Variants in SYNE2 observed in about 807,000 individuals in gnomAD.
SYNE2 encodes nesprin-2.
Under a neutral mutation model 856.3 loss-of-function variants are expected in SYNE2, and 431 were observed. The observed-to-expected ratio is 0.50, with a 90% confidence interval of 0.47 to 0.55. The LOEUF (loss-of-function observed/expected upper bound fraction) is 0.55, where lower values mean the gene tolerates loss of function less well. Among genes scored for constraint, SYNE2 ranks in the 20% least tolerant of loss-of-function variants. The probability of loss-of-function intolerance (pLI) is 0.00; values close to 1 mark genes in which losing one functional copy is unlikely to be tolerated. For missense variants in SYNE2, 8,129 were observed against 8,023.2 expected (o/e 1.01, Z -0.50); for synonymous variants, 2,923 against 2,872.3 (o/e 1.02, Z -0.56).
intron 1 of SYNE2, among the ~76,000 whole-genome samples, chr14:63,869,298 C>G (rs1049842655): frequency 6.6e-6 from 1 of 152,126 alleles, no homozygotes; most frequent in African/African-American, 2.4e-5. Flanking sequence ...TTAAATATCA[C>G]GTCTCTTCTG....
chr14:64,148,771 G>T (rs1028440993), intron 84 of SYNE2, among the ~76,000 whole-genome samples: 1 of 152,106 alleles, frequency 6.6e-6, no homozygotes, highest in Non-Finnish European at 1.5e-5. Flanking sequence ...AGCACCCCAT[G>T]TAGCATCATG....
At chr14:64,162,774 CTT>C (rs993118015) in intron 88 of SYNE2, 1 of 249,814 alleles carries the variant, frequency 4.0e-6, no homozygotes, top group African/African-American at 2.2e-5. Context: ...AGTGAATACT[CTT>C]TAGTTCTGAA....
intron 6 of SYNE2, among the ~76,000 whole-genome samples, chr14:63,948,738 A>AT (rs1566883322): frequency 1.2e-4 from 9 of 73,738 alleles, no homozygotes; most frequent in South Asian, 5.3e-4. Flanking sequence ...ATATGTGTAT[A>AT]GATATGTGTG....
rs745330410 is a variant in SYNE2 at position 64,024,389 on chromosome 14, T to G, written c.5770T>G (p.Leu1924Val). The G allele has an allele frequency of 6.2e-7, 1 of 1,614,096 alleles. No individual in the cohort carries two copies. The highest frequency in any genetic ancestry group is 2.2e-5 in the East Asian group (1 of 44,876). ...TTGGCTCGTGGGTCAGGAATTCGAATTAGAAAAAATGGAGTCCATATGCCA... is the reference window on the plus strand; with the variant it reads ...TTGGCTCGTGGGTCAGGAATTCGAAGTAGAAAAAATGGAGTCCATATGCCA... ...ISWLVGQEFE[L>V]EKMESICQAR... Residue 1924 changes from leucine to valine, a missense_variant, in exon 39 of 116, where the codon TTA becomes GTA. Leu to Val is a conservative substitution (Grantham distance 32). Coordinates refer to ENST00000555002, the MANE Select transcript of SYNE2 (RefSeq NM_182914.3).
chr14:63,841,596 A>G (rs1890066546), intron 1 of SYNE2, among the ~76,000 whole-genome samples: 1 of 152,152 alleles, frequency 6.6e-6, no homozygotes, highest in South Asian at 2.1e-4. Flanking sequence ...GAGCTGAACC[A>G]TTTTGCACTC....
chr14:63,796,082 C>G (rs1381141080), intron 1 of SYNE2, among the ~76,000 whole-genome samples: 1 of 152,162 alleles, frequency 6.6e-6, no homozygotes, highest in East Asian at 1.9e-4. Flanking sequence ...GGTTGTGCAG[C>G]TAATAAGTAG....
Position 64,126,680 on chromosome 14 carries a change from G to T in SYNE2, c.13790G>T (p.Gly4597Val). The change falls in exon 73 of 116, where the codon GGC becomes GTC. Residue 4597 changes from glycine to valine, a missense_variant. Gly to Val is a moderately radical substitution (Grantham distance 109). Coordinates refer to ENST00000555002, the MANE Select transcript of SYNE2 (RefSeq NM_182914.3). ...GDLLKAMTWP[G>V]ENTNLLLECF... ...CTTTTGAAAGCCATGACTTGGCCTG[G>T]CGAGAACACCAACTTGCTCCTTGAA... The T allele has an allele frequency of 6.2e-7, 1 of 1,614,192 alleles. No homozygotes were observed. The highest frequency in any genetic ancestry group is 8.5e-7 in the Non-Finnish European group (1 of 1,180,036).
rs760091059 is a variant in SYNE2 at position 63,979,011 on chromosome 14, G to T, written c.1566G>T (p.Trp522Cys). The T allele has an allele frequency of 1.2e-5, 20 of 1,613,400 alleles. No homozygotes were observed. The highest frequency in any genetic ancestry group is 1.4e-5 in the Non-Finnish European group (16 of 1,179,720). Residue 522 changes from tryptophan to cysteine, a missense_variant, in exon 14 of 116, where the codon TGG (tryptophan) becomes TGT (cysteine). Physicochemically the swap from Trp to Cys is radical, Grantham distance 215. Coordinates refer to ENST00000555002, the MANE Select transcript of SYNE2 (RefSeq NM_182914.3). Reference sequence around the variant, plus strand: ...CTGTGGAATTATTGCTGGAAGACTGGCATGTAAGCTTTTCAATTTTGTGTC... The same window carrying T: ...CTGTGGAATTATTGCTGGAAGACTGTCATGTAAGCTTTTCAATTTTGTGTC... ...RESVELLLED[W>C]HKFIEEKEFL...
At position 64,184,023 on chromosome 14, in the gene SYNE2, G is replaced by A. The variant is rs1012375427; in HGVS notation, c.17557-2401G>A. On this transcript the variant is annotated intron_variant, in intron 96 of 115. Coordinates refer to ENST00000555002, the MANE Select transcript of SYNE2 (RefSeq NM_182914.3). ...AGGGAGCAATTTAATTTAAAGACAG[G>A]CATGATTGTTGACATTTTTATACAA... Among the ~76,000 whole-genome samples the A allele has an allele frequency of 3.9e-5, 6 of 151,932 alleles. No homozygotes were observed. In the East Asian group the frequency reaches 1.2e-3, roughly 30 times the overall value.
intron 99 of SYNE2, among the ~76,000 whole-genome samples, chr14:64,191,675 T>A (rs1489337773): frequency 3.3e-5 from 5 of 152,242 alleles, no homozygotes; most frequent in African/African-American, 1.2e-4. Flanking sequence ...CATGCCTGGT[T>A]CCTTAGCAGT....
At chr14:63,924,159 A>G (rs1234293333) in intron 2 of SYNE2, among the ~76,000 whole-genome samples, 2 of 152,130 alleles carry the variant, frequency 1.3e-5, no homozygotes, top group Non-Finnish European at 2.9e-5. Context: ...TCAGAAATCA[A>G]TTGCCCATAA....
intron 1 of SYNE2, among the ~76,000 whole-genome samples, chr14:63,854,966 T>C (rs1273114626): frequency 6.6e-6 from 1 of 152,214 alleles, no homozygotes; most frequent in African/African-American, 2.4e-5. Context: ...ATTACTTATA[T>C]GTTTTAAATA....
chr14:64,118,206 T>G (rs2097866498), intron 66 of SYNE2, among the ~76,000 whole-genome samples: 1 of 152,210 alleles, frequency 6.6e-6, no homozygotes, highest in Non-Finnish European at 1.5e-5. Context: ...ATGATCATGG[T>G]GCTGGAATGT....
chr14:64,020,509 T>C (rs534217882), intron 35 of SYNE2, among the ~76,000 whole-genome samples: 4 of 152,338 alleles, frequency 2.6e-5, no homozygotes, highest in Admixed American at 2.0e-4. Flanking sequence ...GTTGGTATAG[T>C]TAAATATATT....
chr14:64,120,696 G>C (rs1367613072), intron 67 of SYNE2, among the ~76,000 whole-genome samples: 1 of 152,200 alleles, frequency 6.6e-6, no homozygotes, highest in African/African-American at 2.4e-5. Flanking sequence ...CCAAGAGGTG[G>C]AGGTTGCAGT....
At position 63,990,558 on chromosome 14, in the gene SYNE2, G is replaced by C; in HGVS notation, c.2461G>C (p.Glu821Gln). The C allele has an allele frequency of 6.2e-7, 1 of 1,613,914 alleles. No individual in the cohort carries two copies. The highest frequency in any genetic ancestry group is 2.2e-5 in the East Asian group (1 of 44,854). The change falls in exon 20 of 116, where the codon GAG becomes CAG. Residue 821 changes from glutamate to glutamine, a missense_variant. Coordinates refer to ENST00000555002, the MANE Select transcript of SYNE2 (RefSeq NM_182914.3). The stretch of plus-strand genomic sequence containing the variant: ...TCAGGCAAAGATTCAAGAAGCTAAA[G>C]AGAAAGTCCAGGTCTCTCTTTAATA... ...GLQAKIQEAK[E>Q]KVQINVVKLI...
intron 47 of SYNE2, 124 bp from the exon 48 acceptor site, chr14:64,051,433 A>T: frequency 1.1e-6 from 1 of 919,386 alleles, no homozygotes; most frequent in Non-Finnish European, 1.6e-6. Context: ...GATTATTTTT[A>T]CAGACAGCCT....
At chr14:63,995,839 T>TA (rs2096710438) in intron 23 of SYNE2, among the ~76,000 whole-genome samples, 1 of 152,214 alleles carries the variant, frequency 6.6e-6, no homozygotes, top group South Asian at 2.1e-4. Context: ...GAGTACTTTT[T>TA]AGTGTCTTCA....
chr14:63,766,902 A>G (rs1158119982), intron 1 of SYNE2, among the ~76,000 whole-genome samples: 1 of 152,148 alleles, frequency 6.6e-6, no homozygotes, highest in Non-Finnish European at 1.5e-5. Context: ...GGAGACAGGG[A>G]TGAGTAAAAC....
Sources: gnomAD v4.1 joint callset for allele counts (sites outside exome capture counted in the v4.1 genomes callset) on GRCh38, gnomAD v4.1.1 for gene constraint, MANE v1.5 for transcripts, NCBI Gene and HGNC (gene_info 2026-07-23, HGNC 2026-07-21) for gene names.